ZC3H12B: variants seen among roughly 807,000 people sequenced by gnomAD.
The protein encoded by ZC3H12B is probable ribonuclease ZC3H12B.
A neutral mutation model predicts 43.9 loss-of-function variants in ZC3H12B; 7 were observed. That is an observed-to-expected ratio of 0.16 (90% CI 0.09 to 0.30). The LOEUF is 0.30. ZC3H12B is among the 10% of genes least tolerant of loss of function. The probability of loss-of-function intolerance (pLI) is 1.00; values close to 1 mark genes in which losing one functional copy is unlikely to be tolerated. For synonymous variants in ZC3H12B, 222 were observed against 241.7 expected, an observed-to-expected ratio of 0.92 and a Z score of 0.76; for missense variants, 475 against 670.2, an observed-to-expected ratio of 0.71 and a Z score of 3.22.
At chrX:65,249,850 A>T in the ZC3H12B span, among the ~76,000 whole-genome samples, 1 of 74,237 alleles carries the variant, frequency 1.3e-5, no homozygotes. Context: ...TCAGTTCTTG[A>T]CTTGATTCTC....
the ZC3H12B span, among the ~76,000 whole-genome samples, chrX:65,192,595 T>G: frequency 9.0e-6 from 1 of 111,606 alleles, no homozygotes; most frequent in African/African-American, 3.3e-5. Flanking sequence ...TCAGCATCAG[T>G]TGAATTTATC....
chrX:65,448,515 T>C (rs1161357366), intron 3 of ZC3H12B, among the ~76,000 whole-genome samples: 7 of 110,985 alleles, frequency 6.3e-5, no homozygotes, highest in Non-Finnish European at 1.3e-4. Flanking sequence ...TCAACAAATG[T>C]GTGGATAAAG....
chrX:65,411,704 C>T lies in ZC3H12B; in HGVS notation n.407+13000C>T, dbSNP rs183238100. Among the ~76,000 whole-genome samples the T allele has an allele frequency of 9.7e-4, 105 of 108,571 alleles. 1 individual carries two copies. Among genetic ancestry groups the T allele is most frequent in the Non-Finnish European group, 8.0e-4 (42 of 52,348 alleles). 94.3% of individuals were successfully genotyped at this position (108,571 alleles called of 115,157 possible). ...TCATGCCTCTACTCTCCAGCCTGGG[C>T]GACAGAGTGAGACTCCATCTCAAAA... is the stretch of plus-strand genomic sequence containing the variant. On this transcript the variant is annotated intron_variant and non_coding_transcript_variant, in intron 3 of 5. Coordinates refer to the ZC3H12B transcript ENST00000617377.
At chrX:65,090,110 T>C in the ZC3H12B span, among the ~76,000 whole-genome samples, 1 of 112,469 alleles carries the variant, frequency 8.9e-6, no homozygotes, top group Non-Finnish European at 1.9e-5. Context: ...ATGTACTATA[T>C]GTAATTGTAT....
chrX:65,075,292 T>C, the ZC3H12B span, among the ~76,000 whole-genome samples: 1 of 112,429 alleles, frequency 8.9e-6, no homozygotes, highest in African/African-American at 3.2e-5. Context: ...ATAATTGAAG[T>C]CTGTTTTAAA....
chrX:65,292,288 A>G, the ZC3H12B span, among the ~76,000 whole-genome samples: 1 of 112,331 alleles, frequency 8.9e-6, no homozygotes, highest in Admixed American at 9.4e-5. Flanking sequence ...TTAAGAGAAT[A>G]AACAGCATGC....
At chrX:65,040,111 C>A in the ZC3H12B span, among the ~76,000 whole-genome samples, 1 of 111,307 alleles carries the variant, frequency 9.0e-6, no homozygotes, top group Non-Finnish European at 1.9e-5. Flanking sequence ...ACATTTCTTA[C>A]CATCTTTTTG....
the ZC3H12B span, among the ~76,000 whole-genome samples, chrX:65,247,790 A>G: frequency 9.0e-6 from 1 of 111,698 alleles, no homozygotes; most frequent in African/African-American, 3.3e-5. Flanking sequence ...TAGGCTCAGT[A>G]TCTAGGTGAT....
At chrX:65,245,584 CA>C in the ZC3H12B span, among the ~76,000 whole-genome samples, 10 of 111,755 alleles carry the variant, frequency 8.9e-5, no homozygotes, top group Admixed American at 1.9e-4. Flanking sequence ...AAACTAAAGG[CA>C]AAAACCACAT....
the ZC3H12B span, among the ~76,000 whole-genome samples, chrX:65,353,147 T>A: frequency 2.3e-4 from 26 of 111,714 alleles, no homozygotes; most frequent in Non-Finnish European, 3.0e-4. Context: ...CATGATCCAC[T>A]GTGTGTGGGC....
chrX:65,054,561 G>A, the ZC3H12B span, among the ~76,000 whole-genome samples: 3,951 of 111,575 alleles, frequency 0.035, 83 homozygotes, highest in Non-Finnish European at 0.056. Flanking sequence ...GGTTGAATTG[G>A]CAATGCGGGC....
intron 3 of ZC3H12B, among the ~76,000 whole-genome samples, chrX:65,419,948 C>T (rs997301829): frequency 5.4e-5 from 6 of 111,177 alleles, no homozygotes; most frequent in African/African-American, 2.0e-4. Flanking sequence ...AGACTTATAC[C>T]CCTGCATACT....
chrX:65,450,671 A>ATG (rs1411330602), intron 3 of ZC3H12B, among the ~76,000 whole-genome samples: 2 of 7,540 alleles, frequency 2.7e-4, no homozygotes. Flanking sequence ...ATATGTATAC[A>ATG]TGTGTATATA....
chrX:65,448,171 C>A (rs2067405924), intron 3 of ZC3H12B, among the ~76,000 whole-genome samples: 1 of 110,606 alleles, frequency 9.0e-6, no homozygotes, highest in Non-Finnish European at 1.9e-5. Context: ...GGAGGCAGAG[C>A]TTGCAGTGAG....
chrX:65,473,621 T>C lies in ZC3H12B; in HGVS notation n.408-15025T>C, dbSNP rs1049877283. The stretch of plus-strand genomic sequence containing the variant: ...TTATAATTTACAGTGTATAAGTCTT[T>C]CACCTACAGAGATTATTTAACTTCT... On this transcript the variant is annotated intron_variant and non_coding_transcript_variant, in intron 3 of 5. Transcript: ENST00000617377. 6.2e-5 allele frequency among the ~76,000 whole-genome samples: 7 copies of C among 112,214 alleles called. No homozygotes were observed. The Admixed American group carries it at 6.6e-4, about 11-fold the overall frequency.
intron 2 of ZC3H12B, among the ~76,000 whole-genome samples, chrX:65,387,910 G>T (rs1332896048): frequency 8.9e-6 from 1 of 112,222 alleles, no homozygotes; most frequent in Non-Finnish European, 1.9e-5. Flanking sequence ...AGCTTAGTTT[G>T]GCTGGATATG....
At chrX:65,269,197 T>C in the ZC3H12B span, among the ~76,000 whole-genome samples, 1 of 109,625 alleles carries the variant, frequency 9.1e-6, no homozygotes, top group Non-Finnish European at 1.9e-5. Context: ...ATACAAAAAT[T>C]AGCTGCACGT....
chrX:65,376,590 G>T (rs543394509), intron 2 of ZC3H12B, among the ~76,000 whole-genome samples: 1 of 111,794 alleles, frequency 8.9e-6, no homozygotes, highest in South Asian at 3.7e-4. Flanking sequence ...TATTCTGTTT[G>T]TTTGGGAAAA....
the ZC3H12B span, among the ~76,000 whole-genome samples, chrX:65,240,274 T>A: frequency 8.9e-6 from 1 of 112,003 alleles, no homozygotes; most frequent in Non-Finnish European, 1.9e-5. Flanking sequence ...GTTTGTTTTT[T>A]AATTTTTTTT....
Sources: allele counts gnomAD v4.1 joint callset (sites outside exome capture counted in the v4.1 genomes callset), GRCh38; gene constraint gnomAD v4.1.1; transcripts MANE v1.5; gene names NCBI Gene and HGNC (gene_info 2026-07-23, HGNC 2026-07-21).